Variants in IFT172 observed in about 807,000 individuals in gnomAD.
IFT172 encodes intraflagellar transport protein 172 homolog.
In IFT172, 164 loss-of-function variants were observed where a neutral mutation model predicts 248.9. That is an observed-to-expected ratio of 0.66 (90% CI 0.58 to 0.75). The LOEUF is 0.75. Among genes scored for constraint, IFT172 ranks in the 30% least tolerant of loss-of-function variants. The probability of loss-of-function intolerance (pLI) is 0.00; values close to 1 mark genes in which losing one functional copy is unlikely to be tolerated. For synonymous variants in IFT172, 729 were observed against 791.6 expected, an observed-to-expected ratio of 0.92 and a Z score of 1.33; for missense variants, 1,950 against 2,192.4, an observed-to-expected ratio of 0.89 and a Z score of 2.21.
intron 16 of IFT172, chr2:27,466,214 C>T (rs1667077582): frequency 3.9e-6 from 1 of 255,212 alleles, no homozygotes; most frequent in Non-Finnish European, 7.5e-6. Flanking sequence ...CTTTTTAATG[C>T]ATTGCTTGGG....
At chr2:27,467,713 T>G (rs1353042656) in intron 16 of IFT172, among the ~76,000 whole-genome samples, 1 of 143,362 alleles carries the variant, frequency 7.0e-6, no homozygotes, top group African/African-American at 2.6e-5. Context: ...AAACAAGAAA[T>G]CTAACATTTG....
intron 21 of IFT172, 63 bp from the exon 22 acceptor site, chr2:27,461,580 C>A: frequency 6.3e-7 from 1 of 1,578,538 alleles, no homozygotes; most frequent in Non-Finnish European, 8.7e-7. Context: ...GCCTCCCATG[C>A]TTCTCCAATC....
Position 27,465,734 on chromosome 2 carries a change from C to G in IFT172, c.1829+12G>C. The G allele has an allele frequency of 6.2e-7, 1 of 1,613,578 alleles. No individual in the cohort carries two copies. Among genetic ancestry groups the G allele is most frequent in the Non-Finnish European group, 8.5e-7 (1 of 1,179,904 alleles). On this transcript the variant is annotated intron_variant, in intron 17 of 47. Transcript: ENST00000260570. ...CTCCCACCACCTCACTGGTTATTGG[C>G]CAGCCTCTCACCGGATGTAGTTGCC...
rs1030340264 is a variant in IFT172 at position 27,448,788 on chromosome 2, G to A, written c.4428+127C>T. 14 of 689,666 alleles carry A rather than the reference G, an allele frequency of 2.0e-5. No homozygotes were observed. The African/African-American group carries it at 2.5e-4, about 12-fold the overall frequency. 42.7% of individuals were successfully genotyped at this position (689,666 alleles called of 1,614,324 possible). ...GCTGTACATTTCTGGAGATGCGTGG[G>A]GGGCTCTGGGCATGACGTTCTCTAA... On this transcript the variant is annotated intron_variant, in intron 40 of 47. Transcript: ENST00000260570.
chr2:27,444,420 C>T lies in IFT172; in HGVS notation c.*12G>A, dbSNP rs772224250. 6 of 1,584,210 alleles carry T rather than the reference C, an allele frequency of 3.8e-6. No homozygotes were observed. The Admixed American group carries it at 8.4e-5, about 22-fold the overall frequency. On this transcript the variant is annotated 3_prime_UTR_variant, in exon 48 of 48. Coordinates refer to ENST00000260570, the MANE Select transcript of IFT172 (RefSeq NM_015662.3). Reference sequence around the variant, plus strand: ...TGAGGGAGAGGCCCTAACTCTTCCTCAGCTCTACCAACTACTGAAAGGAAA... The same window carrying T: ...TGAGGGAGAGGCCCTAACTCTTCCTTAGCTCTACCAACTACTGAAAGGAAA...
At chr2:27,468,754 C>T (rs1413850132) in intron 16 of IFT172, among the ~76,000 whole-genome samples, 4 of 149,598 alleles carry the variant, frequency 2.7e-5, no homozygotes, top group African/African-American at 9.9e-5. Context: ...GAGGCTGAGG[C>T]AGGAGAATGG....
chr2:27,485,532 C>T (rs1198123072), intron 1 of IFT172, 29 bp from the exon 2 acceptor site: 2 of 1,612,812 alleles, frequency 1.2e-6, no homozygotes, highest in Non-Finnish European at 1.7e-6. Flanking sequence ...AAAAACAAAC[C>T]CATGTGCTGG....
chr2:27,456,027 CA>C (rs1666133756), intron 30 of IFT172, among the ~76,000 whole-genome samples: 2 of 152,044 alleles, frequency 1.3e-5, no homozygotes, highest in Non-Finnish European at 2.9e-5. Context: ...TCCTGGCCAA[CA>C]TGGTGAAACC....
At chr2:27,477,943 T>C in intron 11 of IFT172, 52 bp downstream of exon 11, 1 of 1,606,432 alleles carries the variant, frequency 6.2e-7, no homozygotes, top group Non-Finnish European at 8.5e-7. Context: ...TCCCCACAAA[T>C]ATTAAGCCAA....
Position 27,461,771 on chromosome 2 carries a change from C to T in IFT172, c.2181G>A (p.Val727=). The T allele has an allele frequency of 1.2e-6, 2 of 1,614,124 alleles. No individual in the cohort carries two copies. Among genetic ancestry groups the T allele is most frequent in the Non-Finnish European group, 1.7e-6 (2 of 1,180,014 alleles). Reference sequence around the variant, plus strand: ...ATAAAACAGGTACCTTGGCTTCAGCCACAGCGATACACTCATCCCAACGGT... The same window carrying T: ...ATAAAACAGGTACCTTGGCTTCAGCTACAGCGATACACTCATCCCAACGGT... ...ELHRWDECIA[V]AEAKGHPALE... The change falls in exon 21 of 48, where the codon GTG becomes GTA. Residue 727 remains valine, a synonymous_variant. Coordinates refer to ENST00000260570, the MANE Select transcript of IFT172 (RefSeq NM_015662.3).
intron 20 of IFT172, 139 bp downstream of exon 20, chr2:27,462,562 T>C: frequency 4.2e-6 from 3 of 709,124 alleles, no homozygotes; most frequent in Middle Eastern, 2.5e-4. Flanking sequence ...AAATTAACTA[T>C]ATAAACCCCT....
chr2:27,476,432 C>A (rs772968759), intron 14 of IFT172, among the ~76,000 whole-genome samples: 1 of 152,116 alleles, frequency 6.6e-6, no homozygotes, highest in Non-Finnish European at 1.5e-5. Context: ...TGTGCCTGGA[C>A]TGAACCTTTG....
At position 27,448,979 on chromosome 2, in the gene IFT172, C is replaced by A; in HGVS notation, c.4364G>T (p.Arg1455Leu). The change falls in exon 40 of 48, where the codon CGG becomes CTG. Residue 1455 changes from arginine to leucine, a missense_variant. By Grantham distance (102) the Arg-to-Leu change is moderately radical (BLOSUM62 -2). Transcript: ENST00000260570. ...CAATGCCTGGGCAGAGCTACCCTCC[C>A]GGATCAAGTGAGTTGCATACAAAGC... ...YVALYATHLI[R>L]EGSSAQALAL... 6.2e-7 allele frequency: 1 copy of A among 1,612,706 alleles called. No homozygotes were observed. The highest frequency in any genetic ancestry group is 1.1e-5 in the South Asian group (1 of 91,050).
Position 27,456,638 on chromosome 2 carries a change from C to T in IFT172, c.3244G>A (p.Gly1082Arg), listed in dbSNP as rs1008321384. 2 of 1,613,610 alleles carry T rather than the reference C, an allele frequency of 1.2e-6. No individual in the cohort carries two copies. Among genetic ancestry groups the T allele is most frequent in the African/African-American group, 2.7e-5 (2 of 74,906 alleles). Residue 1082 changes from glycine (G) to arginine (R), a missense_variant, in exon 30 of 48, where the codon GGA (glycine) becomes AGA (arginine). Around this residue, in one of 3 missense-constraint regions of IFT172, gnomAD observed 164 missense variants for 239.3 expected, o/e 0.69. Coordinates refer to ENST00000260570, the MANE Select transcript of IFT172 (RefSeq NM_015662.3). ...ACGTGTTTGTGGGCATTAGCCCCTCCTTGAGTTCTGGCCACCTGTAAAGCA... is the reference window on the plus strand; with the variant it reads ...ACGTGTTTGTGGGCATTAGCCCCTCTTTGAGTTCTGGCCACCTGTAAAGCA... ...EEAYRVARTQ[G>R]GANAHKHVAY... is the part of the protein sequence containing the mutation.
At position 27,453,701 on chromosome 2, in the gene IFT172, C is replaced by T; in HGVS notation, c.3750G>A (p.Lys1250=). ...GLWSDALRIC[K]DYVPSQLEAL... ...CCTCCAGCTGGCTGGGCACATAGTC[C>T]TTGCAGATGCGCAGAGCGTCACTCC... Residue 1250 remains lysine (K), a synonymous_variant, in exon 34 of 48, where the codon AAG becomes AAA. Coordinates refer to ENST00000260570, the MANE Select transcript of IFT172 (RefSeq NM_015662.3). 1 of 1,612,428 alleles carries T rather than the reference C, an allele frequency of 6.2e-7. No individual in the cohort carries two copies. Among genetic ancestry groups the T allele is most frequent in the Non-Finnish European group, 8.5e-7 (1 of 1,179,594 alleles).
intron 1 of IFT172, among the ~76,000 whole-genome samples, chr2:27,487,426 T>C (rs1201981291): frequency 6.6e-6 from 1 of 152,204 alleles, no homozygotes; most frequent in Non-Finnish European, 1.5e-5. Context: ...AGAATAGGCA[T>C]TTTGATAAGT....
At chr2:27,456,761 G>A in intron 29 of IFT172, 108 bp from the exon 30 acceptor site, 4 of 1,466,948 alleles carry the variant, frequency 2.7e-6, no homozygotes, top group South Asian at 2.7e-5. Flanking sequence ...TGAACAGGAA[G>A]AGGCTGGGTG....
At position 27,483,921 on chromosome 2, in the gene IFT172, A is replaced by G. The variant is rs765893868; in HGVS notation, c.353T>C (p.Leu118Pro). Residue 118 changes from leucine to proline, a missense_variant, in exon 5 of 48, where the codon CTG becomes CCG. Physicochemically the swap from Leu to Pro is moderately conservative, Grantham distance 98 (BLOSUM62 -3). Transcript: ENST00000260570. ...AATGATGTATTCTGCCGGCCATTGC[A>G]GACAAGTGACAGCACTCTGCGTGGA... is the stretch of plus-strand genomic sequence containing the variant. ...KFIQTSAVTC[L>P]QWPAEYIIVF... 1 of 1,613,884 alleles carries G rather than the reference A, an allele frequency of 6.2e-7. No homozygotes were observed. Among genetic ancestry groups the G allele is most frequent in the Non-Finnish European group, 8.5e-7 (1 of 1,179,876 alleles).
intron 14 of IFT172, among the ~76,000 whole-genome samples, chr2:27,474,400 T>C (rs1667813647): frequency 6.6e-6 from 1 of 151,978 alleles, no homozygotes. Context: ...TGGTTAAACA[T>C]ATGGAAAAAA....
Sources: allele counts gnomAD v4.1 joint callset (sites outside exome capture counted in the v4.1 genomes callset), GRCh38; gene constraint gnomAD v4.1.1; regional missense constraint gnomAD v4.1.1; transcripts MANE v1.5; gene names NCBI Gene and HGNC (gene_info 2026-07-23, HGNC 2026-07-21).